Variants in KCNIP4 observed in about 807,000 individuals in gnomAD.
KCNIP4 encodes the protein Kv channel-interacting protein 4.
Under a neutral mutation model 34.0 loss-of-function variants are expected in KCNIP4, and 12 were observed. The ratio of observed to expected loss-of-function variants is 0.35; its 90% confidence interval spans 0.23 to 0.57. The LOEUF (loss-of-function observed/expected upper bound fraction) is 0.57, where lower values mean the gene tolerates loss of function less well. KCNIP4 is among the 20% of genes least tolerant of loss of function. The pLI is 0.83. For missense variants in KCNIP4, 238 were observed against 311.7 expected (o/e 0.76, Z 1.78); for synonymous variants, 124 against 102.2 (o/e 1.21, Z -1.29).
intron 1 of KCNIP4, among the ~76,000 whole-genome samples, chr4:21,112,040 T>TCTAC (rs1749242049): frequency 6.6e-6 from 1 of 151,818 alleles, no homozygotes; most frequent in African/African-American, 2.4e-5. Flanking sequence ...TATCTATCTA[T>TCTAC]CTATCTATCT....
intron 1 of KCNIP4, among the ~76,000 whole-genome samples, chr4:21,287,873 T>C (rs564542369): frequency 1.3e-5 from 2 of 152,306 alleles, no homozygotes; most frequent in East Asian, 3.9e-4. Flanking sequence ...AATACCAAAA[T>C]ATATTTTGGA....
chr4:21,530,220 T>A (rs2108975339), intron 1 of KCNIP4, among the ~76,000 whole-genome samples: 1 of 152,268 alleles, frequency 6.6e-6, no homozygotes, highest in East Asian at 1.9e-4. Flanking sequence ...TCCTTATAAT[T>A]TTTGGTGGCA....
At chr4:21,045,279 G>A (rs1052119434) in intron 1 of KCNIP4, among the ~76,000 whole-genome samples, 13 of 152,146 alleles carry the variant, frequency 8.5e-5, no homozygotes, top group Admixed American at 7.2e-4. Flanking sequence ...ATCCTCTGGG[G>A]ATTTTGGTAA....
chr4:21,772,265 G>A (rs564176302), intron 1 of KCNIP4, among the ~76,000 whole-genome samples: 70 of 152,314 alleles, frequency 4.6e-4, no homozygotes, highest in African/African-American at 1.7e-3. Flanking sequence ...GCATCCCAGG[G>A]ATGAAGCTGA....
At chr4:20,924,996 G>T (rs999822916) in intron 1 of KCNIP4, among the ~76,000 whole-genome samples, 1 of 151,964 alleles carries the variant, frequency 6.6e-6, no homozygotes, top group African/African-American at 2.4e-5. Context: ...ATGCAAAAAA[G>T]CACTTTTGAA....
At chr4:20,942,881 A>G (rs764536432) in intron 1 of KCNIP4, among the ~76,000 whole-genome samples, 2 of 152,096 alleles carry the variant, frequency 1.3e-5, no homozygotes, top group Non-Finnish European at 2.9e-5. Context: ...CATGTTGGCC[A>G]GGCTGGTCTC....
chr4:20,833,620 T>C (rs2149461426), intron 3 of KCNIP4, among the ~76,000 whole-genome samples: 1 of 152,306 alleles, frequency 6.6e-6, no homozygotes, highest in Non-Finnish European at 1.5e-5. Flanking sequence ...TCTAACACGG[T>C]ATTTCATACC....
chr4:21,563,334 A>G (rs571794117), intron 1 of KCNIP4, among the ~76,000 whole-genome samples: 1 of 152,140 alleles, frequency 6.6e-6, no homozygotes, highest in African/African-American at 2.4e-5. Context: ...CATTGGAAGA[A>G]GAATCAGAAA....
intron 1 of KCNIP4, among the ~76,000 whole-genome samples, chr4:21,753,577 A>G (rs1717298606): frequency 6.6e-6 from 1 of 152,162 alleles, no homozygotes; most frequent in Admixed American, 6.5e-5. Context: ...GCCAACAGCA[A>G]ATCAGAATGG....
intron 1 of KCNIP4, among the ~76,000 whole-genome samples, chr4:21,485,720 T>C (rs1731841214): frequency 6.6e-6 from 1 of 152,228 alleles, no homozygotes; most frequent in Admixed American, 6.5e-5. Flanking sequence ...GGTGCACAAC[T>C]TGTATCCACA....
intron 1 of KCNIP4, among the ~76,000 whole-genome samples, chr4:21,146,583 T>G (rs1432834269): frequency 6.6e-6 from 1 of 152,206 alleles, no homozygotes; most frequent in African/African-American, 2.4e-5. Context: ...TGTCACTTTA[T>G]GTCACAGTCA....
At chr4:21,677,024 G>C (rs1415960188) in intron 1 of KCNIP4, among the ~76,000 whole-genome samples, 1 of 147,152 alleles carries the variant, frequency 6.8e-6, no homozygotes, top group East Asian at 2.0e-4. Context: ...TCTTAGCAAA[G>C]ATAATGGATT....
intron 1 of KCNIP4, among the ~76,000 whole-genome samples, chr4:20,966,964 T>G (rs1734410368): frequency 6.6e-6 from 1 of 152,128 alleles, no homozygotes; most frequent in South Asian, 2.1e-4. Flanking sequence ...TCAGACAGGT[T>G]TGGTGATTTG....
chr4:21,323,556 A>T (rs187212268), intron 1 of KCNIP4, among the ~76,000 whole-genome samples: 1 of 152,158 alleles, frequency 6.6e-6, no homozygotes, highest in Non-Finnish European at 1.5e-5. Flanking sequence ...TAACATAATT[A>T]CCTCCAGTGT....
chr4:20,756,927 C>T (rs1490218539), intron 4 of KCNIP4, among the ~76,000 whole-genome samples: 2 of 152,034 alleles, frequency 1.3e-5, no homozygotes, highest in Non-Finnish European at 2.9e-5. Flanking sequence ...CCCCAGTAAC[C>T]TCATCTACAT....
intron 1 of KCNIP4, among the ~76,000 whole-genome samples, chr4:21,139,236 C>T (rs1418609987): frequency 1.3e-5 from 2 of 152,140 alleles, no homozygotes; most frequent in Admixed American, 6.5e-5. Flanking sequence ...GTGCATTACT[C>T]GTTTCAATTA....
chr4:21,721,567 A>G (rs772565040), intron 1 of KCNIP4, among the ~76,000 whole-genome samples: 3 of 152,162 alleles, frequency 2.0e-5, no homozygotes, highest in Non-Finnish European at 4.4e-5. Context: ...CAGCCACTCA[A>G]TTTTTGCTTA....
chr4:21,944,783 T>C (rs1425141898), intron 1 of KCNIP4, among the ~76,000 whole-genome samples: 2 of 152,118 alleles, frequency 1.3e-5, no homozygotes, highest in Non-Finnish European at 2.9e-5. Flanking sequence ...GCATGAAACA[T>C]CCCAGTGAGT....
chr4:21,487,190 C>G (rs1201671209), intron 1 of KCNIP4, among the ~76,000 whole-genome samples: 2 of 152,128 alleles, frequency 1.3e-5, no homozygotes, highest in Non-Finnish European at 2.9e-5. Flanking sequence ...ATTTAGTTGT[C>G]ATGTCTCCTT....
Sources: gnomAD v4.1 joint callset for allele counts (sites outside exome capture counted in the v4.1 genomes callset) on GRCh38, gnomAD v4.1.1 for gene constraint, MANE v1.5 for transcripts, NCBI Gene and HGNC (gene_info 2026-07-23, HGNC 2026-07-21) for gene names.